PRMT8: variants seen among roughly 807,000 people sequenced by gnomAD.
PRMT8 encodes protein arginine N-methyltransferase 8.
PRMT8 carries 7 observed loss-of-function variants against 47.1 expected under a neutral mutation model. The ratio of observed to expected loss-of-function variants is 0.15; its 90% CI spans 0.08 to 0.28. PRMT8 has a LOEUF of 0.28. Among genes scored for constraint, PRMT8 ranks in the 10% least tolerant of loss-of-function variants. The pLI, the probability that PRMT8 is intolerant of heterozygous loss-of-function variation, is 1.00. For missense variants in PRMT8, 237 were observed against 505.4 expected (o/e 0.47, Z 5.09); for synonymous variants, 188 against 186.5 (o/e 1.01, Z -0.07).
chr12:3,516,294 C>T (rs1407010043), intron 1 of PRMT8, among the ~76,000 whole-genome samples: 1 of 152,196 alleles, frequency 6.6e-6, no homozygotes, highest in Non-Finnish European at 1.5e-5. Flanking sequence ...GCCTGGTCCC[C>T]TCTTGGTGAT....
intron 1 of PRMT8, among the ~76,000 whole-genome samples, chr12:3,400,876 G>A (rs1864307993): frequency 6.6e-6 from 1 of 152,026 alleles, no homozygotes; most frequent in South Asian, 2.1e-4. Context: ...GCCAAGTGTG[G>A]TGGCTCACGC....
At chr12:3,531,387 A>C (rs1866027966) in intron 1 of PRMT8, among the ~76,000 whole-genome samples, 1 of 152,238 alleles carries the variant, frequency 6.6e-6, no homozygotes, top group Non-Finnish European at 1.5e-5. Context: ...AATTAACTTG[A>C]CATCTCTTGC....
At chr12:3,507,965 T>G (rs1865656292) in intron 1 of PRMT8, among the ~76,000 whole-genome samples, 1 of 152,164 alleles carries the variant, frequency 6.6e-6, no homozygotes, top group Non-Finnish European at 1.5e-5. Context: ...ATTAAAGCTG[T>G]TGACCCAGTA....
At position 3,515,140 on chromosome 12, in the gene PRMT8, A is replaced by G. The variant is rs570824777; in HGVS notation, c.75+23440A>G. Among the ~76,000 whole-genome samples the G allele has an allele frequency of 7.2e-4, 109 of 152,382 alleles. 1 individual carries two copies. Among genetic ancestry groups the G allele is most frequent in the African/African-American group, 2.4e-3 (99 of 41,594 alleles). On this transcript the variant is annotated intron_variant, in intron 1 of 9. Coordinates refer to ENST00000382622, the MANE Select transcript of PRMT8 (RefSeq NM_019854.5). Reference sequence around the variant, plus strand: ...AATTTCCCAGGATAACAAGGTTTCAAACAAAAGCAGTCCTATTCCAGCGTG... The same window carrying G: ...AATTTCCCAGGATAACAAGGTTTCAGACAAAAGCAGTCCTATTCCAGCGTG...
intron 2 of PRMT8, among the ~76,000 whole-genome samples, chr12:3,543,170 A>G (rs1196148301): frequency 6.6e-6 from 1 of 152,210 alleles, no homozygotes. Context: ...CATCTAGCTT[A>G]AATCCCTCCT....
chr12:3,481,138 A>T (rs1461077496), intron 1 of PRMT8, among the ~76,000 whole-genome samples: 1 of 152,176 alleles, frequency 6.6e-6, no homozygotes, highest in African/African-American at 2.4e-5. Flanking sequence ...CTGCTGGGAA[A>T]TCCCCTTCCC....
At chr12:3,562,339 C>A (rs188026213) in intron 4 of PRMT8, among the ~76,000 whole-genome samples, 1 of 151,978 alleles carries the variant, frequency 6.6e-6, no homozygotes, top group Non-Finnish European at 1.5e-5. Context: ...TTCATCCTTT[C>A]GAGTATTATT....
At chr12:3,471,505 G>C (rs1865162044) in intron 1 of PRMT8, among the ~76,000 whole-genome samples, 1 of 151,766 alleles carries the variant, frequency 6.6e-6, no homozygotes, top group South Asian at 2.1e-4. Flanking sequence ...GGGTCTTCAG[G>C]GCTCCGAGGA....
rs1184867764 is a variant in PRMT8, at chr12:3,535,365, G to A, written c.76-5241G>A. 2.6e-5 allele frequency among the ~76,000 whole-genome samples: 4 copies of A among 152,226 alleles called. No homozygotes were observed. Among genetic ancestry groups the A allele is most frequent in the African/African-American group, 9.6e-5 (4 of 41,462 alleles). ...TGCCCTGGGTAAGGCCAGTCTGGGG[G>A]CGGAACACTGTGTTGGGGGAGTCCT... On this transcript the variant is annotated intron_variant, in intron 1 of 9. Transcript: ENST00000382622. The surrounding 1 kb of genome is among the most constrained non-coding windows in gnomAD (Gnocchi z 4.7).
Position 3,492,844 on chromosome 12 carries a change from T to TA in PRMT8, c.75+1146dup, listed in dbSNP as rs1865444647. On this transcript the variant is annotated intron_variant, in intron 1 of 9. Coordinates refer to ENST00000382622, the MANE Select transcript of PRMT8 (RefSeq NM_019854.5). This position sits in a 1 kb window ranked among gnomAD's most constrained non-coding sequence, Gnocchi z 7.5. ...CAGAGAGCAAACTCCCAGGCTCTAT[T>TA]AATAGCTGGGTGTCTGGTGGGGCTG... 6.6e-6 allele frequency among the ~76,000 whole-genome samples: 1 copy of TA among 151,776 alleles called. No individual in the cohort carries two copies. The highest frequency in any genetic ancestry group is 6.6e-5 in the Admixed American group (1 of 15,252).
At chr12:3,381,632 A>G (rs1296916927) in intron 1 of PRMT8, among the ~76,000 whole-genome samples, 1 of 152,182 alleles carries the variant, frequency 6.6e-6, no homozygotes, top group Non-Finnish European at 1.5e-5. Flanking sequence ...TGTTGACTGT[A>G]CACTGGTGCT....
chr12:3,540,201 T>A (rs899154758), intron 1 of PRMT8, among the ~76,000 whole-genome samples: 3 of 150,108 alleles, frequency 2.0e-5, no homozygotes, highest in African/African-American at 7.4e-5. Flanking sequence ...ATGGCAGAGC[T>A]GGGATTCAGC....
At chr12:3,574,077 T>C (rs138015373) in intron 6 of PRMT8, 6 of 152,172 alleles carry the variant, frequency 3.9e-5, no homozygotes, top group Non-Finnish European at 7.3e-5. Context: ...TTAACCCATA[T>C]AAAGGTAACT....
chr12:3,417,814 C>T (rs1321429071), intron 1 of PRMT8, among the ~76,000 whole-genome samples: 1 of 152,096 alleles, frequency 6.6e-6, no homozygotes, highest in East Asian at 1.9e-4. Flanking sequence ...GACAAAAATC[C>T]CATGCACTCA....
At chr12:3,455,164 C>G (rs150579380) in intron 1 of PRMT8, among the ~76,000 whole-genome samples, 1 of 152,278 alleles carries the variant, frequency 6.6e-6, no homozygotes, top group East Asian at 1.9e-4. Context: ...GCAGCCCTAA[C>G]TGGTAACTGG....
intron 1 of PRMT8, among the ~76,000 whole-genome samples, chr12:3,519,613 G>A (rs963957894): frequency 2.0e-5 from 3 of 152,206 alleles, no homozygotes; most frequent in African/African-American, 7.2e-5. Flanking sequence ...AAGGGTAAAT[G>A]GATGAGATGA....
rs1406276271 is a variant in PRMT8 at position 3,493,742 on chromosome 12, G to C, written c.75+2042G>C. On this transcript the variant is annotated intron_variant, in intron 1 of 9. Coordinates refer to ENST00000382622, the MANE Select transcript of PRMT8 (RefSeq NM_019854.5). This position sits in a 1 kb window ranked among gnomAD's most constrained non-coding sequence, Gnocchi z 8.2. ...GTTGCACATGCCAGCTCTGCTGAAGGCATCAATGAAAACAGCAGTAGGGGC... is the reference window on the plus strand; with the variant it reads ...GTTGCACATGCCAGCTCTGCTGAAGCCATCAATGAAAACAGCAGTAGGGGC... Among the ~76,000 whole-genome samples, 1 of 152,238 alleles carries C rather than the reference G, an allele frequency of 6.6e-6. No homozygotes were observed. Among genetic ancestry groups the C allele is most frequent in the Non-Finnish European group, 1.5e-5 (1 of 68,040 alleles).
chr12:3,428,320 T>C (rs1292850859), intron 1 of PRMT8, among the ~76,000 whole-genome samples: 2 of 151,452 alleles, frequency 1.3e-5, no homozygotes, highest in Admixed American at 6.6e-5. Context: ...TTGTCCCCGC[T>C]TTTTTTTTCC....
At position 3,484,601 on chromosome 12, in the gene PRMT8, A is replaced by G. The variant is rs191013518; in HGVS notation, c.49-56005A>G. ...TGCATTGGCTCATTTTGTCCTCACAACCCCTTAGCCAGGCAGTGATCACCA... is the reference window on the plus strand; with the variant it reads ...TGCATTGGCTCATTTTGTCCTCACAGCCCCTTAGCCAGGCAGTGATCACCA... On this transcript the variant is annotated intron_variant, in intron 1 of 9. Transcript: ENST00000452611. 1.2e-3 allele frequency among the ~76,000 whole-genome samples: 177 copies of G among 152,242 alleles called. 1 individual carries two copies. Among genetic ancestry groups the G allele is most frequent in the Non-Finnish European group, 2.3e-3 (158 of 68,020 alleles).
Sources: allele counts gnomAD v4.1 joint callset (sites outside exome capture counted in the v4.1 genomes callset), GRCh38; gene constraint gnomAD v4.1.1; non-coding constraint Gnocchi (gnomAD v3.1); transcripts MANE v1.5; gene names NCBI Gene and HGNC (gene_info 2026-07-23, HGNC 2026-07-21).